Variants in FRMD4B observed in about 807,000 individuals in gnomAD.
FRMD4B encodes FERM domain-containing protein 4B.
A neutral mutation model predicts 141.5 loss-of-function variants in FRMD4B; 74 were observed. The ratio of observed to expected loss-of-function variants is 0.52; its 90% CI spans 0.43 to 0.63. The LOEUF (loss-of-function observed/expected upper bound fraction) is 0.63, where lower values mean the gene tolerates loss of function less well. Ranked by LOEUF, FRMD4B falls within the 30% of genes least tolerant of loss-of-function variation. The pLI is 0.00. For missense variants in FRMD4B, 1,366 were observed against 1,253.4 expected, an observed-to-expected ratio of 1.09 and a Z score of -1.36; for synonymous variants, 506 against 467.9, an observed-to-expected ratio of 1.08 and a Z score of -1.05.
intron 22 of FRMD4B, 57 bp downstream of exon 22, chr3:69,176,467 C>T: frequency 3.4e-6 from 5 of 1,458,694 alleles, no homozygotes; most frequent in Non-Finnish European, 4.8e-6. Flanking sequence ...AATTAGGATC[C>T]CTGAATTCTT....
intron 11 of FRMD4B, among the ~76,000 whole-genome samples, chr3:69,211,026 A>AAAAAAG (rs2093073331): frequency 6.7e-6 from 1 of 149,796 alleles, no homozygotes; most frequent in Non-Finnish European, 1.5e-5. Context: ...CCATCTCGAA[A>AAAAAAG]AAAAAAAAAA....
At chr3:69,223,380 T>C (rs1238829773) in intron 8 of FRMD4B, among the ~76,000 whole-genome samples, 1 of 152,034 alleles carries the variant, frequency 6.6e-6, no homozygotes, top group African/African-American at 2.4e-5. Context: ...CTGGGCATCG[T>C]ACCGTGTGCC....
chr3:69,435,347 T>C (rs546975968), intron 1 of FRMD4B, among the ~76,000 whole-genome samples: 6 of 151,044 alleles, frequency 4.0e-5, no homozygotes, highest in Non-Finnish European at 5.9e-5. Flanking sequence ...GGGTTTACTA[T>C]AGGTTTTAGG....
chr3:69,406,536 A>G (rs1487303338), intron 2 of FRMD4B, among the ~76,000 whole-genome samples: 1 of 151,528 alleles, frequency 6.6e-6, no homozygotes. Context: ...CTCCTCTCCA[A>G]CTTCTGGGGA....
intron 2 of FRMD4B, among the ~76,000 whole-genome samples, chr3:69,393,580 G>A (rs1363457875): frequency 6.6e-6 from 1 of 152,148 alleles, no homozygotes; most frequent in African/African-American, 2.4e-5. Context: ...TCCAGAATTT[G>A]TCACCTTTTA....
chr3:69,205,200 T>G (rs2107685368), intron 11 of FRMD4B, among the ~76,000 whole-genome samples: 1 of 151,072 alleles, frequency 6.6e-6, no homozygotes, highest in East Asian at 2.0e-4. Context: ...AGGGTCTTGG[T>G]CTGTCACCTA....
At chr3:69,266,955 T>G (rs1194017989) in intron 5 of FRMD4B, among the ~76,000 whole-genome samples, 1 of 152,208 alleles carries the variant, frequency 6.6e-6, no homozygotes, top group Non-Finnish European at 1.5e-5. Context: ...GAGATGCAAC[T>G]GAGGCCATTT....
intron 4 of FRMD4B, among the ~76,000 whole-genome samples, chr3:69,296,724 A>G (rs1477895679): frequency 6.6e-6 from 1 of 152,194 alleles, no homozygotes; most frequent in Non-Finnish European, 1.5e-5. Flanking sequence ...CAGTCCTCTC[A>G]TTATTGTAAA....
chr3:69,288,112 C>T (rs1031827222), intron 4 of FRMD4B, among the ~76,000 whole-genome samples: 11 of 152,320 alleles, frequency 7.2e-5, no homozygotes, highest in Admixed American at 1.3e-4. Flanking sequence ...CAAAAACAAA[C>T]GTTTATCTGT....
At chr3:69,196,748 C>T (rs1319064048) in intron 13 of FRMD4B, 152 bp downstream of exon 13, 4 of 633,864 alleles carry the variant, frequency 6.3e-6, no homozygotes, top group South Asian at 4.2e-5. Context: ...ATCATGTAAA[C>T]ATATAAAAAA....
intron 18 of FRMD4B, among the ~76,000 whole-genome samples, chr3:69,189,159 T>C (rs773822726): frequency 2.1e-5 from 3 of 141,862 alleles, no homozygotes; most frequent in Admixed American, 1.5e-4. Context: ...GAGGCAGAGG[T>C]TGCAGTGAGC....
intron 2 of FRMD4B, among the ~76,000 whole-genome samples, chr3:69,419,980 C>T (rs1206346042): frequency 5.9e-5 from 9 of 152,296 alleles, no homozygotes; most frequent in African/African-American, 1.9e-4. Flanking sequence ...CCTCAGCCTC[C>T]GGAGTAGCTG....
At chr3:69,186,939 C>A (rs796887885) in intron 19 of FRMD4B, among the ~76,000 whole-genome samples, 89 of 152,318 alleles carry the variant, frequency 5.8e-4, no homozygotes, top group African/African-American at 2.1e-3. Context: ...AACCACTGGC[C>A]TGTCATGTTT....
At chr3:69,413,753 G>T (rs1704801513) in intron 2 of FRMD4B, among the ~76,000 whole-genome samples, 1 of 152,090 alleles carries the variant, frequency 6.6e-6, no homozygotes, top group Non-Finnish European at 1.5e-5. Context: ...CAAAAGATGT[G>T]CAGCGTTTCA....
At chr3:69,263,042 T>A (rs1424944486) in intron 5 of FRMD4B, among the ~76,000 whole-genome samples, 1 of 151,972 alleles carries the variant, frequency 6.6e-6, no homozygotes, top group Non-Finnish European at 1.5e-5. Flanking sequence ...GCAGATCACC[T>A]GAGGTCGGGA....
intron 19 of FRMD4B, among the ~76,000 whole-genome samples, chr3:69,184,179 TG>T (rs1460542518): frequency 1.3e-5 from 2 of 152,224 alleles, no homozygotes; most frequent in Non-Finnish European, 2.9e-5. Flanking sequence ...CCCAAAGTGC[TG>T]GGATTACAGG....
chr3:69,453,232 G>T (rs958198682), intron 1 of FRMD4B, among the ~76,000 whole-genome samples: 1 of 152,222 alleles, frequency 6.6e-6, no homozygotes, highest in Non-Finnish European at 1.5e-5. Context: ...CTGTATCTAT[G>T]TACAGTGCCT....
intron 4 of FRMD4B, among the ~76,000 whole-genome samples, chr3:69,295,719 T>C (rs896893301): frequency 1.3e-5 from 2 of 152,150 alleles, no homozygotes; most frequent in Non-Finnish European, 2.9e-5. Context: ...TGGTCCTCAG[T>C]GTCAATAGTG....
At chr3:69,372,920 G>T (rs113755048) in intron 1 of FRMD4B, among the ~76,000 whole-genome samples, 1 of 152,152 alleles carries the variant, frequency 6.6e-6, no homozygotes, top group Admixed American at 6.5e-5. Flanking sequence ...CTTGCCCAGG[G>T]TTATACACGT....
Sources: allele counts gnomAD v4.1 joint callset (sites outside exome capture counted in the v4.1 genomes callset), GRCh38; gene constraint gnomAD v4.1.1; transcripts MANE v1.5; gene names NCBI Gene and HGNC (gene_info 2026-07-23, HGNC 2026-07-21).